The following DSCAM variants were observed in gnomAD, a reference collection of about 807,000 sequenced individuals.
DSCAM encodes the protein DS cell adhesion molecule.
A neutral mutation model predicts 217.7 loss-of-function variants in DSCAM; 47 were observed. That is an observed-to-expected ratio of 0.22 (90% CI 0.17 to 0.28). DSCAM has a LOEUF of 0.28. DSCAM is among the 10% of genes least tolerant of loss of function. The pLI, the probability that DSCAM is intolerant of heterozygous loss-of-function variation, is 1.00. For missense variants in DSCAM, 2,080 were observed against 2,618.3 expected (o/e 0.79, Z 4.49); for synonymous variants, 1,056 against 1,015.3 (o/e 1.04, Z -0.76).
rs545585474 is a variant in DSCAM at position 40,019,078 on chromosome 21, T to C, written c.5687-5692A>G. ...GAGTAGTCAGCGGTAAGCTCTGTTA[T>C]TACAGGCACTTATGTTCTTTAAAAC... On this transcript the variant is annotated intron_variant, in intron 32 of 32. Transcript: ENST00000400454. 1.3e-5 allele frequency among the ~76,000 whole-genome samples: 2 copies of C among 152,382 alleles called. 1 individual carries two copies. Among genetic ancestry groups the C allele is most frequent in the South Asian group, 4.1e-4 (2 of 4,828 alleles).
intron 11 of DSCAM, among the ~76,000 whole-genome samples, chr21:40,221,450 T>TA (rs965684939): frequency 6.7e-6 from 1 of 148,558 alleles, no homozygotes; most frequent in Non-Finnish European, 1.5e-5. Flanking sequence ...ATAAATAACA[T>TA]AAAATATATA....
At chr21:40,409,402 T>A (rs1173303969) in intron 3 of DSCAM, among the ~76,000 whole-genome samples, 1 of 152,218 alleles carries the variant, frequency 6.6e-6, no homozygotes, top group Non-Finnish European at 1.5e-5. Flanking sequence ...AAGTGAAATC[T>A]CTGCTTTTCC....
intron 24 of DSCAM, among the ~76,000 whole-genome samples, chr21:40,081,419 C>T (rs941565809): frequency 1.3e-5 from 2 of 152,114 alleles, no homozygotes; most frequent in African/African-American, 2.4e-5. Flanking sequence ...ATCTCTGATG[C>T]CTCCTTCTGA....
intron 3 of DSCAM, among the ~76,000 whole-genome samples, chr21:40,487,307 G>GCA (rs1254496024): frequency 2.7e-3 from 246 of 92,134 alleles, no homozygotes; most frequent in African/African-American, 7.8e-3. Context: ...GTGCGTGCGT[G>GCA]TGTGTGTGTG....
At chr21:40,747,229 A>C (rs2091183370) in intron 1 of DSCAM, among the ~76,000 whole-genome samples, 1 of 151,676 alleles carries the variant, frequency 6.6e-6, no homozygotes, top group Non-Finnish European at 1.5e-5. Flanking sequence ...AAATAAACAA[A>C]ATAGAGGTTT....
chr21:40,442,257 T>G (rs562725035), intron 3 of DSCAM, among the ~76,000 whole-genome samples: 1 of 152,238 alleles, frequency 6.6e-6, no homozygotes, highest in East Asian at 1.9e-4. Flanking sequence ...ATAACTTATA[T>G]ATACATTTAC....
intron 3 of DSCAM, among the ~76,000 whole-genome samples, chr21:40,570,235 T>A (rs1237886381): frequency 6.6e-6 from 1 of 152,000 alleles, no homozygotes; most frequent in African/African-American, 2.4e-5. Context: ...ATTCAAAGAG[T>A]CTGGCTGGTG....
At chr21:40,039,461 T>G (rs1280447771) in intron 32 of DSCAM, among the ~76,000 whole-genome samples, 1 of 152,182 alleles carries the variant, frequency 6.6e-6, no homozygotes, top group Non-Finnish European at 1.5e-5. Flanking sequence ...GTCACAAGCA[T>G]GATATATTCA....
chr21:40,733,798 TG>T (rs1299762952), intron 1 of DSCAM, among the ~76,000 whole-genome samples: 2 of 152,120 alleles, frequency 1.3e-5, no homozygotes, highest in African/African-American at 4.8e-5. Context: ...TGCTTGTGGT[TG>T]GGGGAAGGGC....
At chr21:40,266,946 G>C (rs2073545684) in intron 11 of DSCAM, among the ~76,000 whole-genome samples, 1 of 140,520 alleles carries the variant, frequency 7.1e-6, no homozygotes, top group East Asian at 2.3e-4. Flanking sequence ...AATAATGCAT[G>C]TTCTCATTTA....
intron 3 of DSCAM, among the ~76,000 whole-genome samples, chr21:40,688,904 T>C (rs2090511261): frequency 6.6e-6 from 1 of 152,220 alleles, no homozygotes; most frequent in South Asian, 2.1e-4. Context: ...ATGTCCTTGA[T>C]AATGGTAGCC....
At chr21:40,228,118 A>G (rs1469783975) in intron 11 of DSCAM, among the ~76,000 whole-genome samples, 1 of 152,128 alleles carries the variant, frequency 6.6e-6, no homozygotes, top group Non-Finnish European at 1.5e-5. Context: ...GGGGCAAACT[A>G]CGGAGGTAAA....
intron 15 of DSCAM, among the ~76,000 whole-genome samples, chr21:40,178,546 C>G (rs1295438349): frequency 6.6e-6 from 1 of 152,194 alleles, no homozygotes; most frequent in Admixed American, 6.5e-5. Context: ...ATTACTGCTT[C>G]CTCCCACACT....
chr21:40,030,627 G>T (rs1362334003), intron 32 of DSCAM, among the ~76,000 whole-genome samples: 1 of 152,122 alleles, frequency 6.6e-6, no homozygotes, highest in Non-Finnish European at 1.5e-5. Context: ...TAGGTTAAAA[G>T]AACCCTGGGG....
At chr21:40,439,745 T>C (rs187793697) in intron 3 of DSCAM, among the ~76,000 whole-genome samples, 3 of 152,284 alleles carry the variant, frequency 2.0e-5, no homozygotes, top group Non-Finnish European at 4.4e-5. Context: ...AGTCATGTCT[T>C]ACATGGATGG....
intron 3 of DSCAM, among the ~76,000 whole-genome samples, chr21:40,497,098 C>A (rs2076124868): frequency 1.3e-5 from 2 of 152,010 alleles, no homozygotes. Flanking sequence ...TTCAAAAAAT[C>A]AAAAATAGAA....
intron 20 of DSCAM, among the ~76,000 whole-genome samples, chr21:40,116,929 G>A (rs2089977632): frequency 6.9e-6 from 1 of 145,800 alleles, no homozygotes; most frequent in Non-Finnish European, 1.5e-5. Flanking sequence ...ATGAACCCGG[G>A]AGGCAGAGTT....
At chr21:40,344,572 T>A (rs1023956431) in intron 6 of DSCAM, among the ~76,000 whole-genome samples, 4 of 152,226 alleles carry the variant, frequency 2.6e-5, no homozygotes, top group Non-Finnish European at 2.9e-5. Flanking sequence ...TTCGTTTTCT[T>A]TTCAACATTT....
chr21:40,494,700 C>T (rs1473475730), intron 3 of DSCAM, among the ~76,000 whole-genome samples: 1 of 148,398 alleles, frequency 6.7e-6, no homozygotes, highest in Admixed American at 6.7e-5. Flanking sequence ...CTTCAAGGAA[C>T]AAGAAAAAGG....
Sources: gnomAD v4.1 joint callset for allele counts (sites outside exome capture counted in the v4.1 genomes callset) on GRCh38, gnomAD v4.1.1 for gene constraint, MANE v1.5 for transcripts, NCBI Gene and HGNC (gene_info 2026-07-23, HGNC 2026-07-21) for gene names.